Variants in CORIN observed in about 807,000 individuals in gnomAD.
CORIN encodes the protein corin, serine peptidase.
Under a neutral mutation model 125.3 loss-of-function variants are expected in CORIN, and 117 were observed. The ratio of observed to expected loss-of-function variants is 0.93; its 90% confidence interval spans 0.80 to 1.09. The LOEUF (loss-of-function observed/expected upper bound fraction) is 1.09, where lower values mean the gene tolerates loss of function less well. Ranked by LOEUF, CORIN falls within the 50% of genes least tolerant of loss-of-function variation. CORIN has a pLI of 0.00. For synonymous variants in CORIN, 450 were observed against 466.4 expected (o/e 0.96, Z 0.45); for missense variants, 1,253 against 1,306.7 (o/e 0.96, Z 0.63).
intron 9 of CORIN, among the ~76,000 whole-genome samples, chr4:47,677,158 C>T (rs911354893): frequency 1.3e-5 from 2 of 152,156 alleles, no homozygotes; most frequent in East Asian, 1.9e-4. Flanking sequence ...TTGCCATATG[C>T]CAACACTATG....
At chr4:47,602,164 G>A (rs936392004) in intron 20 of CORIN, among the ~76,000 whole-genome samples, 5 of 152,056 alleles carry the variant, frequency 3.3e-5, no homozygotes, top group Admixed American at 1.3e-4. Flanking sequence ...CCAGCTACTC[G>A]GGAGGCTGAG....
chr4:47,690,790 G>A (rs547037263), intron 6 of CORIN, among the ~76,000 whole-genome samples: 8 of 152,156 alleles, frequency 5.3e-5, no homozygotes, highest in Non-Finnish European at 7.3e-5. Flanking sequence ...TCACCACAGG[G>A]TGGTGACAAA....
intron 2 of CORIN, among the ~76,000 whole-genome samples, chr4:47,805,349 A>AT (rs900908223): frequency 2.0e-5 from 3 of 151,614 alleles, no homozygotes; most frequent in South Asian, 2.1e-4. Flanking sequence ...ACCCACAAAC[A>AT]TTTTTTTTAA....
intron 2 of CORIN, 41 bp downstream of exon 2, chr4:47,806,862 T>C (rs763469420): frequency 2.5e-6 from 4 of 1,573,036 alleles, no homozygotes; most frequent in Non-Finnish European, 3.4e-6. Flanking sequence ...ATGCTAATTT[T>C]CACTTTAACT....
At chr4:47,616,121 A>G (rs568592713) in intron 19 of CORIN, among the ~76,000 whole-genome samples, 24 of 152,290 alleles carry the variant, frequency 1.6e-4, no homozygotes, top group African/African-American at 5.5e-4. Flanking sequence ...GTTCAAATGA[A>G]CATCTTATCT....
intron 1 of CORIN, among the ~76,000 whole-genome samples, chr4:47,810,466 ATCT>A (rs1732017981): frequency 6.6e-6 from 1 of 152,114 alleles, no homozygotes; most frequent in South Asian, 2.1e-4. Flanking sequence ...TGTTTTACTA[ATCT>A]TGTTACTGAA....
In CORIN at chr4:47,626,431, G is replaced by C. The variant is rs61759683; in HGVS notation, c.2289C>G (p.Thr763=). The C allele has an allele frequency of 6.2e-7, 1 of 1,610,042 alleles. No individual in the cohort carries two copies. Among genetic ancestry groups the C allele is most frequent in the African/African-American group, 1.3e-5 (1 of 74,834 alleles). The change falls in exon 17 of 22, where the codon ACC becomes ACG. Residue 763 remains threonine, a synonymous_variant. Coordinates refer to ENST00000273857, the MANE Select transcript of CORIN (RefSeq NM_006587.4). ...CATTTACTAGAAGTTCATGTAAAGT[G>C]GTCCCATTGAGGCTCTCCCAGTTGG... ...LHSNWESLNG[T]TLHELLVNGQ...
intron 3 of CORIN, among the ~76,000 whole-genome samples, chr4:47,767,069 T>A (rs1487318665): frequency 6.6e-6 from 1 of 151,460 alleles, no homozygotes; most frequent in Non-Finnish European, 1.5e-5. Context: ...CATAAACTCA[T>A]AACAGCAAAG....
intron 3 of CORIN, among the ~76,000 whole-genome samples, chr4:47,769,843 C>T (rs985615621): frequency 1.3e-5 from 2 of 152,180 alleles, no homozygotes; most frequent in African/African-American, 4.8e-5. Flanking sequence ...TCTTATTTTA[C>T]ACCATATACA....
At chr4:47,739,514 T>C (rs1728287779) in intron 5 of CORIN, among the ~76,000 whole-genome samples, 1 of 152,034 alleles carries the variant, frequency 6.6e-6, no homozygotes, top group Non-Finnish European at 1.5e-5. Context: ...GAGAATTTGC[T>C]ATTAACAGAA....
In CORIN at chr4:47,775,220, CT is replaced by C. The variant is rs146791663; in HGVS notation, c.409+11504del. On this transcript the variant is annotated intron_variant, in intron 3 of 21. Coordinates refer to ENST00000273857, the MANE Select transcript of CORIN (RefSeq NM_006587.4). The stretch of plus-strand genomic sequence containing the variant: ...AATAATTGTCTCATTTATTATCTTT[CT>C]TTTTTTTTCATATATACTTTAAGTT... Among the ~76,000 whole-genome samples the C allele has an allele frequency of 3.6e-3, 547 of 150,858 alleles. 3 individuals are homozygous for C. Among genetic ancestry groups the C allele is most frequent in the African/African-American group, 3.0e-3 (125 of 41,074 alleles).
chr4:47,734,717 A>C (rs937680), intron 5 of CORIN, among the ~76,000 whole-genome samples: 13,874 of 152,236 alleles, frequency 0.091, 776 homozygotes, highest in East Asian at 0.27. Context: ...TCTCAAAAGC[A>C]GCACTCCTAA....
intron 7 of CORIN, 21 bp downstream of exon 7, chr4:47,683,710 T>TG: frequency 6.5e-7 from 1 of 1,544,474 alleles, no homozygotes; most frequent in Non-Finnish European, 8.9e-7. Context: ...TTAAAACCTT[T>TG]GGGGAAACAA....
At position 47,643,355 on chromosome 4, in the gene CORIN, GAA is replaced by G. The variant is rs572976795; in HGVS notation, c.1958-101_1958-100del. The G allele has an allele frequency of 9.0e-5, 100 of 1,111,530 alleles. No individual in the cohort carries two copies. The African/African-American group carries it at 1.0e-3, about 11-fold the overall frequency. The allele number at this position is 1,111,530 out of a possible 1,614,324, so 68.9% of individuals were successfully genotyped here. On this transcript the variant is annotated intron_variant, in intron 14 of 21. Transcript: ENST00000273857. ...TCATGTGCCAGCAGGAGCATGGAAA[GAA>G]GAAAATATGTGATCACTGAGGCTTC...
Position 47,678,068 on chromosome 4 carries a change from T to C in CORIN, c.1133-14A>G, listed in dbSNP as rs2271037. 1 of 1,542,754 alleles carries C rather than the reference T, an allele frequency of 6.5e-7. No homozygotes were observed. Among genetic ancestry groups the C allele is most frequent in the Non-Finnish European group, 9.0e-7 (1 of 1,115,202 alleles). On this transcript the variant is annotated splice_polypyrimidine_tract_variant and intron_variant, in intron 8 of 21. Coordinates refer to ENST00000273857, the MANE Select transcript of CORIN (RefSeq NM_006587.4). ...GGCTGTGACAGGCTAGGAAGGACCA[T>C]AACAATATTCACTTTATTTATTAAT...
intron 7 of CORIN, chr4:47,682,738 T>C (rs1725346270): frequency 6.6e-6 from 1 of 152,174 alleles, no homozygotes; most frequent in Non-Finnish European, 1.5e-5. Context: ...TGTACAACTA[T>C]TATTAGTCAA....
intron 4 of CORIN, among the ~76,000 whole-genome samples, chr4:47,758,246 A>T (rs997292221): frequency 6.6e-6 from 1 of 152,114 alleles, no homozygotes; most frequent in Non-Finnish European, 1.5e-5. Flanking sequence ...AATCCTGCTT[A>T]CAATAGCTAC....
intron 3 of CORIN, among the ~76,000 whole-genome samples, chr4:47,770,783 C>CA (rs551087157): frequency 1.3e-5 from 2 of 152,078 alleles, no homozygotes; most frequent in East Asian, 3.9e-4. Flanking sequence ...CACAAAAAGA[C>CA]AAAAACCACA....
At chr4:47,663,402 A>T (rs1329683124) in intron 11 of CORIN, among the ~76,000 whole-genome samples, 1 of 152,200 alleles carries the variant, frequency 6.6e-6, no homozygotes, top group African/African-American at 2.4e-5. Flanking sequence ...ACTTATTAGC[A>T]TATTATTCAA....
Sources: gnomAD v4.1 joint callset for allele counts (sites outside exome capture counted in the v4.1 genomes callset) on GRCh38, gnomAD v4.1.1 for gene constraint, MANE v1.5 for transcripts, NCBI Gene and HGNC (gene_info 2026-07-23, HGNC 2026-07-21) for gene names.